The following FAM162A variants were observed in gnomAD, a reference collection of about 807,000 sequenced individuals.
The protein encoded by FAM162A is protein FAM162A.
A neutral mutation model predicts 21.8 loss-of-function variants in FAM162A; 23 were observed. That is an observed-to-expected ratio of 1.05 (90% confidence interval 0.76 to 1.49). The LOEUF (loss-of-function observed/expected upper bound fraction) is 1.49. Among genes scored for constraint, FAM162A ranks in the 40% most tolerant of loss-of-function variants. The probability of loss-of-function intolerance (pLI) is 0.00; values close to 1 mark genes in which losing one functional copy is unlikely to be tolerated. For missense variants in FAM162A, 165 were observed against 186.4 expected (o/e 0.89, Z 0.67); for synonymous variants, 53 against 61.3 (o/e 0.86, Z 0.64).
At chr3:122,400,137 C>T (rs532261080) in intron 1 of FAM162A, among the ~76,000 whole-genome samples, 8 of 151,492 alleles carry the variant, frequency 5.3e-5, no homozygotes, top group African/African-American at 9.7e-5. Context: ...TGCCCATCAG[C>T]GATAGAGTGG....
intron 1 of FAM162A, among the ~76,000 whole-genome samples, chr3:122,399,286 G>A (rs773950755): frequency 1.3e-5 from 2 of 152,002 alleles, no homozygotes; most frequent in African/African-American, 2.4e-5. Flanking sequence ...TTTTATGGCC[G>A]TGTAGTATTC....
At chr3:122,392,277 C>G (rs552236409) in intron 1 of FAM162A, among the ~76,000 whole-genome samples, 1 of 152,178 alleles carries the variant, frequency 6.6e-6, no homozygotes, top group African/African-American at 2.4e-5. Flanking sequence ...AGCTTGCTGC[C>G]GGTTAACCTT....
At chr3:122,384,810 ATTG>A (rs2075566915) in intron 1 of FAM162A, among the ~76,000 whole-genome samples, 1 of 152,156 alleles carries the variant, frequency 6.6e-6, no homozygotes, top group Non-Finnish European at 1.5e-5. Flanking sequence ...ATTAATAATA[ATTG>A]TTTTCTTAAA....
chr3:122,409,760 T>G lies in FAM162A; in HGVS notation c.394T>G (p.Leu132Val), dbSNP rs2075695365. 6.2e-7 allele frequency: 1 copy of G among 1,614,074 alleles called. No homozygotes were observed. Among genetic ancestry groups the G allele is most frequent in the Non-Finnish European group, 8.5e-7 (1 of 1,179,956 alleles). The change falls in exon 5 of 5, where the codon TTA becomes GTA. Residue 132 changes from leucine to valine, a missense_variant. By Grantham distance (32) the Leu-to-Val change is conservative (BLOSUM62 1). Transcript: ENST00000477892. ...TTAGGCTGCCCAAAGACACGAGACT[T>G]TAACAAGCTTGAACTTAGAAAAGAA... is the stretch of plus-strand genomic sequence containing the variant. ...GKKAAQRHET[L>V]TSLNLEKKAR...
At position 122,410,000 on chromosome 3, in the gene FAM162A, T is replaced by C. The variant is rs973895308; in HGVS notation, c.*169T>C. Reference sequence around the variant, plus strand: ...AGTAGAAATAAATTTTCTTAAATAATGACTGTGTTTTATTGTTTTGATCCA... The same window carrying C: ...AGTAGAAATAAATTTTCTTAAATAACGACTGTGTTTTATTGTTTTGATCCA... On this transcript the variant is annotated 3_prime_UTR_variant, in exon 5 of 5. Transcript: ENST00000477892. 1.7e-5 allele frequency: 12 copies of C among 687,438 alleles called. No homozygotes were observed. The highest frequency in any genetic ancestry group is 8.9e-5 in the African/African-American group (5 of 56,288). The allele number at this position is 687,438 out of a possible 1,614,324, so 42.6% of individuals were successfully genotyped here.
At chr3:122,409,352 G>C (rs2107702212) in intron 4 of FAM162A, among the ~76,000 whole-genome samples, 1 of 152,246 alleles carries the variant, frequency 6.6e-6, no homozygotes, top group Middle Eastern at 3.4e-3. Context: ...AGTTGGGGAA[G>C]GAGAAATGGC....
At chr3:122,409,366 A>T (rs1293228710) in intron 4 of FAM162A, among the ~76,000 whole-genome samples, 1 of 152,194 alleles carries the variant, frequency 6.6e-6, no homozygotes, top group African/African-American at 2.4e-5. Flanking sequence ...AAATGGCAGC[A>T]ACAGAGAAAA....
chr3:122,398,466 AAGAT>A (rs1369612720), intron 1 of FAM162A, among the ~76,000 whole-genome samples: 1 of 152,240 alleles, frequency 6.6e-6, no homozygotes, highest in Non-Finnish European at 1.5e-5. Context: ...TTCTTGCTAA[AAGAT>A]CTAATCTAAA....
rs1029007318 is a variant in FAM162A, at chr3:122,384,328, A to G, written c.34+29A>G. 1.9e-6 allele frequency: 3 copies of G among 1,566,378 alleles called. No individual in the cohort carries two copies. In the African/African-American group the frequency reaches 4.1e-5, roughly 21 times the overall value. ...AGACGCCGGTCGGGATATGGGAGGTAGGGGAGCTGGCCCGGCCGCTGCGGG... is the reference window on the plus strand; with the variant it reads ...AGACGCCGGTCGGGATATGGGAGGTGGGGGAGCTGGCCCGGCCGCTGCGGG... On this transcript the variant is annotated intron_variant, in intron 1 of 4. Transcript: ENST00000477892.
At chr3:122,407,684 G>GGC in intron 4 of FAM162A, 1 of 443,282 alleles carries the variant, frequency 2.3e-6, no homozygotes. Flanking sequence ...TTAAGAAATA[G>GGC]GACACTGGCA....
At chr3:122,385,305 A>G (rs1423845525) in intron 1 of FAM162A, among the ~76,000 whole-genome samples, 1 of 152,208 alleles carries the variant, frequency 6.6e-6, no homozygotes, top group Non-Finnish European at 1.5e-5. Context: ...ACTGGAAAAC[A>G]TGTCTCAAAC....
At chr3:122,403,811 G>T (rs951700409) in intron 2 of FAM162A, among the ~76,000 whole-genome samples, 2 of 152,032 alleles carry the variant, frequency 1.3e-5, no homozygotes, top group East Asian at 3.8e-4. Context: ...GAGAATATCC[G>T]CTCACCATGG....
chr3:122,393,806 G>A (rs1001602327), intron 1 of FAM162A, among the ~76,000 whole-genome samples: 1 of 152,150 alleles, frequency 6.6e-6, no homozygotes, highest in Admixed American at 6.5e-5. Flanking sequence ...TGTAATATGT[G>A]TAAGGTTGGA....
chr3:122,399,243 A>C (rs6786512), intron 1 of FAM162A, among the ~76,000 whole-genome samples: 91,155 of 152,018 alleles, frequency 0.6, 27,550 homozygotes, highest in East Asian at 0.69. Flanking sequence ...CAGCTCCATC[A>C]GTGTTCCTAC....
intron 4 of FAM162A, among the ~76,000 whole-genome samples, chr3:122,408,658 A>G (rs1480177971): frequency 6.6e-6 from 1 of 152,168 alleles, no homozygotes; most frequent in Non-Finnish European, 1.5e-5. Flanking sequence ...TTGACCTCTC[A>G]TGCATAGTTC....
chr3:122,389,388 TA>T lies in FAM162A; in HGVS notation c.34+5090del, dbSNP rs1462571457. On this transcript the variant is annotated intron_variant, in intron 1 of 4. Coordinates refer to ENST00000477892, the MANE Select transcript of FAM162A (RefSeq NM_014367.4). ...CTGGAAAGTAGTATAGATGGATAGA[TA>T]GATAGATAGATAGATAGATAGATAG... Among the ~76,000 whole-genome samples the T allele has an allele frequency of 7.4e-3, 344 of 46,442 alleles. 1 individual carries two copies. Among genetic ancestry groups the T allele is most frequent in the African/African-American group, 0.015 (206 of 14,084 alleles). 30.5% of individuals were successfully genotyped at this position (46,442 alleles called of 152,430 possible).
intron 4 of FAM162A, among the ~76,000 whole-genome samples, chr3:122,408,734 A>G (rs1490799905): frequency 6.6e-6 from 1 of 152,194 alleles, no homozygotes; most frequent in African/African-American, 2.4e-5. Context: ...AGAAATTTGC[A>G]TTGCTTTTGT....
intron 4 of FAM162A, 86 bp downstream of exon 4, chr3:122,407,475 C>G: frequency 9.7e-7 from 1 of 1,034,196 alleles, no homozygotes; most frequent in East Asian, 2.4e-5. Context: ...TGTATTTACC[C>G]TCTGAGAAGA....
rs2075700863 is a variant in FAM162A at position 122,410,753 on chromosome 3, A to G, written c.*922A>G. 1 of 152,260 alleles carries G rather than the reference A, an allele frequency of 6.6e-6. No individual in the cohort carries two copies. Among genetic ancestry groups the G allele is most frequent in the African/African-American group, 2.4e-5 (1 of 41,450 alleles). The allele number at this position is 152,260 out of a possible 1,614,324, so 9.4% of individuals were successfully genotyped here. On this transcript the variant is annotated 3_prime_UTR_variant, in exon 5 of 5. Transcript: ENST00000477892. ...GTTACCTGAGGTCTGAAAATATTAA[A>G]TGGAAAATTCCTATAACAATGCATA...
Sources: gnomAD v4.1 joint callset for allele counts (sites outside exome capture counted in the v4.1 genomes callset) on GRCh38, gnomAD v4.1.1 for gene constraint, MANE v1.5 for transcripts, NCBI Gene and HGNC (gene_info 2026-07-23, HGNC 2026-07-21) for gene names.